Variants in DMD observed in about 807,000 individuals in gnomAD.
DMD encodes the protein dystrophin.
In DMD, 63 loss-of-function variants were observed where a neutral mutation model predicts 330.1. That is an observed-to-expected ratio of 0.19 (90% CI 0.16 to 0.24). The LOEUF (loss-of-function observed/expected upper bound fraction) is 0.24. Ranked by LOEUF, DMD falls within the 10% of genes least tolerant of loss-of-function variation. The probability of loss-of-function intolerance (pLI) is 1.00; values close to 1 mark genes in which losing one functional copy is unlikely to be tolerated. For synonymous variants in DMD, 1,223 were observed against 959.8 expected, an observed-to-expected ratio of 1.27 and a Z score of -5.07; for missense variants, 3,344 against 2,684.1, an observed-to-expected ratio of 1.25 and a Z score of -5.43.
intron 54 of DMD, among the ~76,000 whole-genome samples, chrX:31,636,347 AG>A (rs1355763740): frequency 1.8e-5 from 2 of 112,065 alleles, no homozygotes; most frequent in Non-Finnish European, 3.8e-5. Flanking sequence ...TTAAAATAAA[AG>A]TTAAGAAAAA....
chrX:33,177,338 G>A (rs1187064654), intron 1 of DMD, among the ~76,000 whole-genome samples: 1 of 111,900 alleles, frequency 8.9e-6, no homozygotes, highest in East Asian at 2.8e-4. Flanking sequence ...AGAGAGAATT[G>A]ATTTGGGTCT....
Position 32,879,790 on chromosome X carries a change from T to C in DMD, c.94-29970A>G, listed in dbSNP as rs1042451201. Among the ~76,000 whole-genome samples, 4 of 111,432 alleles carry C rather than the reference T, an allele frequency of 3.6e-5. No individual in the cohort carries two copies. In the South Asian group the frequency reaches 1.5e-3, roughly 42 times the overall value. The stretch of plus-strand genomic sequence containing the variant: ...ACCTTCAATCTCTACTTCCATTCCC[T>C]CTAACAAACAGCCATGGCATGTTGT... On this transcript the variant is annotated intron_variant, in intron 2 of 78. Transcript: ENST00000357033.
chrX:31,636,363 T>C (rs1408864053), intron 54 of DMD, among the ~76,000 whole-genome samples: 1 of 111,782 alleles, frequency 8.9e-6, no homozygotes, highest in Non-Finnish European at 1.9e-5. Flanking sequence ...GAAAAAGCCA[T>C]TTTATATTCA....
chrX:31,615,214 A>G (rs1320461249), intron 55 of DMD, among the ~76,000 whole-genome samples: 1 of 111,983 alleles, frequency 8.9e-6, no homozygotes, highest in Non-Finnish European at 1.9e-5. Context: ...GACCTTTTCA[A>G]TTCTTGTTTG....
intron 1 of DMD, among the ~76,000 whole-genome samples, chrX:33,242,167 A>G (rs2052596795): frequency 9.0e-6 from 1 of 111,316 alleles, no homozygotes; most frequent in Non-Finnish European, 1.9e-5. Flanking sequence ...TTGCATGACT[A>G]AGTTCTTTAG....
intron 21 of DMD, among the ~76,000 whole-genome samples, chrX:32,483,686 T>C: frequency 9.3e-6 from 1 of 108,073 alleles, no homozygotes; most frequent in East Asian, 2.9e-4. Context: ...ACATTTAAAA[T>C]ATTTTCCCAA....
chrX:32,297,155 G>T (rs2097500275), intron 42 of DMD, among the ~76,000 whole-genome samples: 1 of 110,983 alleles, frequency 9.0e-6, no homozygotes, highest in African/African-American at 3.3e-5. Context: ...TTCTCTCTCT[G>T]TGTCTGACAG....
In DMD at chrX:31,986,446, C is replaced by T. The variant is rs775228312; in HGVS notation, c.6439-17932G>A. Among the ~76,000 whole-genome samples the T allele has an allele frequency of 2.7e-5, 3 of 111,054 alleles. No homozygotes were observed. In the Admixed American group the frequency reaches 2.9e-4, roughly 11 times the overall value. On this transcript the variant is annotated intron_variant, in intron 44 of 78. Transcript: ENST00000357033. The stretch of plus-strand genomic sequence containing the variant: ...GTTTTTTTTCTGAGACAGAGTCTCG[C>T]TCTGTCACCAGGCTGGAATACAGTG...
At chrX:32,001,578 T>C (rs1327211904) in intron 44 of DMD, among the ~76,000 whole-genome samples, 1 of 110,847 alleles carries the variant, frequency 9.0e-6, no homozygotes, top group Non-Finnish European at 1.9e-5. Context: ...CTTTTGATTT[T>C]ACCATCTGTT....
intron 44 of DMD, among the ~76,000 whole-genome samples, chrX:32,114,633 G>A (rs1339634260): frequency 9.0e-6 from 1 of 111,641 alleles, no homozygotes; most frequent in South Asian, 3.8e-4. Context: ...CACCTTCTCC[G>A]TGAAGCTGGG....
chrX:31,972,563 C>CA (rs1257289695), intron 44 of DMD, among the ~76,000 whole-genome samples: 2 of 109,514 alleles, frequency 1.8e-5, no homozygotes, highest in Admixed American at 9.8e-5. Context: ...AAAAAATTGG[C>CA]AAAAAATCAC....
At chrX:32,028,432 A>C (rs1269108437) in intron 44 of DMD, among the ~76,000 whole-genome samples, 1 of 111,353 alleles carries the variant, frequency 9.0e-6, no homozygotes, top group Non-Finnish European at 1.9e-5. Flanking sequence ...TAATATGAAA[A>C]GTCCAGGAAA....
chrX:32,703,228 C>T (rs191082495), intron 7 of DMD, among the ~76,000 whole-genome samples: 32 of 111,828 alleles, frequency 2.9e-4, no homozygotes, highest in East Asian at 2.2e-3. Context: ...CCTAAGAATA[C>T]GCTCCTTTCA....
intron 7 of DMD, among the ~76,000 whole-genome samples, chrX:32,713,381 G>A (rs2065372059): frequency 9.0e-6 from 1 of 111,189 alleles, no homozygotes; most frequent in Non-Finnish European, 1.9e-5. Context: ...GGAAGTACCA[G>A]CTGGAGATTG....
intron 52 of DMD, among the ~76,000 whole-genome samples, chrX:31,693,809 A>G (rs1432976293): frequency 1.8e-5 from 2 of 112,048 alleles, no homozygotes; most frequent in African/African-American, 3.2e-5. Context: ...TTCTGTGTTC[A>G]TAAATTGGAA....
At chrX:31,138,509 TTTAA>T (rs1351256365) in intron 76 of DMD, among the ~76,000 whole-genome samples, 1 of 108,621 alleles carries the variant, frequency 9.2e-6, no homozygotes, top group Non-Finnish European at 1.9e-5. Flanking sequence ...AGGAAAGAGG[TTTAA>T]TTGACTCACA....
chrX:32,002,814 T>TA (rs776159242), intron 44 of DMD, among the ~76,000 whole-genome samples: 1 of 111,428 alleles, frequency 9.0e-6, no homozygotes, highest in South Asian at 3.8e-4. Context: ...GTAATATTGT[T>TA]ACTAGTATAA....
chrX:31,951,083 A>G (rs949166839), intron 45 of DMD, among the ~76,000 whole-genome samples: 5 of 95,466 alleles, frequency 5.2e-5, no homozygotes, highest in African/African-American at 2.0e-4. Flanking sequence ...AATATCTTGG[A>G]GATAGGACCT....
chrX:32,310,450 T>C (rs780978694), intron 41 of DMD, among the ~76,000 whole-genome samples, 174 bp from the exon 42 acceptor site: 35 of 110,854 alleles, frequency 3.2e-4, no homozygotes, highest in Admixed American at 2.3e-3. Flanking sequence ...TTATTAATTA[T>C]ATACCTACTT....
Sources: allele counts gnomAD v4.1 joint callset (sites outside exome capture counted in the v4.1 genomes callset), GRCh38; gene constraint gnomAD v4.1.1; transcripts MANE v1.5; gene names NCBI Gene and HGNC (gene_info 2026-07-23, HGNC 2026-07-21).